BTBD7: variants seen among roughly 807,000 people sequenced by gnomAD.
BTBD7 encodes BTB/POZ domain-containing protein 7.
Under a neutral mutation model 99.9 loss-of-function variants are expected in BTBD7, and 38 were observed. The ratio of observed to expected loss-of-function variants is 0.38; its 90% CI spans 0.29 to 0.50. The LOEUF is 0.50. BTBD7 is among the 20% of genes least tolerant of loss of function. BTBD7 has a pLI of 0.93. For missense variants in BTBD7, 1,170 were observed against 1,394.6 expected (o/e 0.84, Z 2.57); for synonymous variants, 520 against 511.4 (o/e 1.02, Z -0.23).
intron 1 of BTBD7, among the ~76,000 whole-genome samples, chr14:93,306,438 T>C (rs931890551): frequency 3.4e-5 from 5 of 145,452 alleles, no homozygotes; most frequent in African/African-American, 1.0e-4. Context: ...CTCATCTCTC[T>C]TTAAAAAAAA....
rs566301747 is a variant in BTBD7 at position 93,284,820 on chromosome 14, A to C, written c.1162+9038T>G. On this transcript the variant is annotated intron_variant, in intron 3 of 10. Coordinates refer to ENST00000334746, the MANE Select transcript of BTBD7 (RefSeq NM_001002860.4). ...AGGTTAGGGTAGAATTTGGACATTT[A>C]ATGATCAAAGGCAAAATACCCCCCA... 1.8e-4 allele frequency among the ~76,000 whole-genome samples: 27 copies of C among 152,274 alleles called. No individual in the cohort carries two copies. The East Asian group carries it at 4.8e-3, about 27-fold the overall frequency.
chr14:93,304,993 G>A (rs374351005), intron 1 of BTBD7, among the ~76,000 whole-genome samples: 5 of 152,196 alleles, frequency 3.3e-5, no homozygotes, highest in African/African-American at 9.7e-5. Context: ...TCTTCATGAA[G>A]ACAGTTCAAA....
intron 6 of BTBD7, chr14:93,256,924 C>T: frequency 2.6e-6 from 1 of 388,708 alleles, no homozygotes; most frequent in Non-Finnish European, 4.6e-6. Flanking sequence ...TTGATCTACA[C>T]TTAAATGACA....
chr14:93,264,680 C>A (rs886181524), intron 3 of BTBD7, among the ~76,000 whole-genome samples: 1 of 152,122 alleles, frequency 6.6e-6, no homozygotes, highest in South Asian at 2.1e-4. Flanking sequence ...AAGTAAAAAT[C>A]TGAGTGACAA....
In BTBD7 at chr14:93,243,046, C is replaced by T. The variant is rs2052254444; in HGVS notation, c.2626G>A (p.Val876Met). ...TTGAGTGACAGTGTGGACACACCCA[C>T]CGCGATGTCTGGCATCAGATCATTC... Reference protein sequence around the residue: ...VLNDLMPDIAVGVSTLSLKDR... With the variant: ...VLNDLMPDIAMGVSTLSLKDR... Residue 876 changes from valine (V) to methionine (M), a missense_variant, in exon 11 of 11, where the codon GTG (valine) becomes ATG (methionine). By Grantham distance (21) the Val-to-Met change is conservative (BLOSUM62 1). Transcript: ENST00000334746. 1.2e-5 allele frequency: 19 copies of T among 1,613,946 alleles called. No homozygotes were observed. Among genetic ancestry groups the T allele is most frequent in the Non-Finnish European group, 1.5e-5 (18 of 1,180,016 alleles).
intron 3 of BTBD7, chr14:93,288,794 C>G: frequency 6.5e-7 from 1 of 1,549,340 alleles, no homozygotes; most frequent in South Asian, 1.3e-5. Flanking sequence ...ACATCAGTAT[C>G]TGTAAGTGTA....
intron 3 of BTBD7, among the ~76,000 whole-genome samples, chr14:93,292,570 T>TA (rs2052871240): frequency 6.6e-6 from 1 of 152,236 alleles, no homozygotes; most frequent in Non-Finnish European, 1.5e-5. Flanking sequence ...AAAGATTCTT[T>TA]ATGTAAAAGA....
At chr14:93,288,871 A>G in intron 3 of BTBD7, 1 of 1,025,560 alleles carries the variant, frequency 9.8e-7, no homozygotes, top group Non-Finnish European at 1.4e-6. Context: ...GGCTGGTATT[A>G]CAGCAGGGGT....
intron 1 of BTBD7, among the ~76,000 whole-genome samples, chr14:93,328,713 C>T (rs1183745281): frequency 2.7e-5 from 4 of 150,250 alleles, no homozygotes; most frequent in Admixed American, 6.6e-5. Flanking sequence ...TCCAAAAGTT[C>T]GAGACCAGCC....
chr14:93,311,738 ATTT>A (rs968938604), intron 1 of BTBD7, among the ~76,000 whole-genome samples: 1 of 132,978 alleles, frequency 7.5e-6, no homozygotes, highest in African/African-American at 3.1e-5. Context: ...CCATGAAAAT[ATTT>A]TTAATTTTTT....
At chr14:93,253,170 C>A (rs1216499406) in intron 7 of BTBD7, among the ~76,000 whole-genome samples, 2 of 152,118 alleles carry the variant, frequency 1.3e-5, no homozygotes, top group East Asian at 1.9e-4. Flanking sequence ...ACTTAACAGG[C>A]CTGAAATTTT....
chr14:93,292,638 T>C (rs1383602130), intron 3 of BTBD7, among the ~76,000 whole-genome samples: 1 of 152,178 alleles, frequency 6.6e-6, no homozygotes, highest in East Asian at 1.9e-4. Flanking sequence ...AAGTTCCCAT[T>C]TTATTACTGA....
At chr14:93,268,667 T>A (rs2052568321) in intron 3 of BTBD7, among the ~76,000 whole-genome samples, 1 of 151,510 alleles carries the variant, frequency 6.6e-6, no homozygotes, top group Admixed American at 6.6e-5. Context: ...AGGTTATACA[T>A]CTAGGAAGAA....
chr14:93,314,887 G>A (rs145540461), intron 1 of BTBD7, among the ~76,000 whole-genome samples: 73 of 152,142 alleles, frequency 4.8e-4, no homozygotes, highest in African/African-American at 1.7e-3. Context: ...TAGTCCCCAT[G>A]TTGCTTTATA....
chr14:93,322,941 G>A (rs1566866543), intron 1 of BTBD7, among the ~76,000 whole-genome samples: 1 of 151,880 alleles, frequency 6.6e-6, no homozygotes, highest in South Asian at 2.1e-4. Context: ...AACACAGCAG[G>A]ACCCCATCTC....
intron 3 of BTBD7, among the ~76,000 whole-genome samples, chr14:93,267,258 A>G (rs2052552925): frequency 1.3e-5 from 2 of 152,138 alleles, no homozygotes; most frequent in African/African-American, 4.8e-5. Context: ...ATACAGTAGG[A>G]AAAAAAATGG....
At chr14:93,323,147 C>T (rs2053289090) in intron 1 of BTBD7, among the ~76,000 whole-genome samples, 1 of 151,902 alleles carries the variant, frequency 6.6e-6, no homozygotes, top group Non-Finnish European at 1.5e-5. Context: ...CACTGCAAAG[C>T]TGGGTGTGGC....
chr14:93,251,853 A>G (rs1260880790), intron 7 of BTBD7, among the ~76,000 whole-genome samples: 1 of 152,230 alleles, frequency 6.6e-6, no homozygotes, highest in Non-Finnish European at 1.5e-5. Flanking sequence ...GAAAAGACAC[A>G]ACCATCTTTT....
intron 3 of BTBD7, among the ~76,000 whole-genome samples, chr14:93,268,756 C>CTTT (rs61483726): frequency 1.3e-4 from 16 of 120,894 alleles, no homozygotes; most frequent in South Asian, 2.7e-4. Flanking sequence ...TAACTTAGAC[C>CTTT]TTTTTTTTTT....
Sources: gnomAD v4.1 joint callset for allele counts (sites outside exome capture counted in the v4.1 genomes callset) on GRCh38, gnomAD v4.1.1 for gene constraint, MANE v1.5 for transcripts, NCBI Gene and HGNC (gene_info 2026-07-23, HGNC 2026-07-21) for gene names.